Variants in DGKB observed in about 807,000 individuals in gnomAD.
DGKB encodes the protein diacylglycerol kinase beta.
In DGKB, 67 loss-of-function variants were observed where a neutral mutation model predicts 114.3. The observed-to-expected ratio is 0.59, with a 90% CI of 0.48 to 0.72. The LOEUF is 0.72. DGKB is among the 30% of genes least tolerant of loss of function. The pLI, the probability that DGKB is intolerant of heterozygous loss-of-function variation, is 0.00. For missense variants in DGKB, 907 were observed against 975.2 expected, an observed-to-expected ratio of 0.93 and a Z score of 0.93; for synonymous variants, 398 against 323.1, an observed-to-expected ratio of 1.23 and a Z score of -2.49.
chr7:14,444,426 A>ATGTGTT (rs1168174846), intron 21 of DGKB, among the ~76,000 whole-genome samples: 23 of 151,840 alleles, frequency 1.5e-4, no homozygotes, highest in African/African-American at 5.6e-4. Context: ...TTCATTAGAA[A>ATGTGTT]CATTATATAA....
chr7:14,862,058 T>A (rs1036537053), intron 1 of DGKB, among the ~76,000 whole-genome samples: 19 of 151,978 alleles, frequency 1.3e-4, no homozygotes, highest in Non-Finnish European at 8.8e-5. Flanking sequence ...GTCAACATGA[T>A]CCATATGAAA....
chr7:14,817,069 A>C (rs1472381145), intron 2 of DGKB, among the ~76,000 whole-genome samples: 1 of 152,196 alleles, frequency 6.6e-6, no homozygotes, highest in South Asian at 2.1e-4. Flanking sequence ...GATTTCAGGA[A>C]ATAGTCTACA....
At chr7:14,540,919 A>G (rs1012226855) in intron 20 of DGKB, among the ~76,000 whole-genome samples, 4 of 152,138 alleles carry the variant, frequency 2.6e-5, no homozygotes, top group African/African-American at 9.7e-5. Context: ...TCAATGATTT[A>G]TAGTATGGTA....
intron 4 of DGKB, among the ~76,000 whole-genome samples, chr7:14,743,835 C>A (rs778387857): frequency 3.3e-5 from 5 of 152,064 alleles, no homozygotes; most frequent in Non-Finnish European, 5.9e-5. Flanking sequence ...CAATTGTCTT[C>A]TTTTGATCCC....
chr7:14,149,022 C>A lies in DGKB; in HGVS notation c.*109G>T. The A allele has an allele frequency of 3.1e-6, 3 of 966,526 alleles. No homozygotes were observed. The highest frequency in any genetic ancestry group is 4.9e-6 in the Non-Finnish European group (3 of 612,474). The allele number at this position is 966,526 out of a possible 1,614,324, so 59.9% of individuals were successfully genotyped here. On this transcript the variant is annotated 3_prime_UTR_variant, in exon 26 of 26. Coordinates refer to ENST00000402815, the MANE Select transcript of DGKB (RefSeq NM_001350709.2). Reference sequence around the variant, plus strand: ...AGTAACAAAAACTGTTAAACCACTTCCATGATTTTGCATGAGCAGGAGACT... The same window carrying A: ...AGTAACAAAAACTGTTAAACCACTTACATGATTTTGCATGAGCAGGAGACT...
At chr7:14,299,565 A>C (rs547728180) in intron 23 of DGKB, among the ~76,000 whole-genome samples, 1 of 152,312 alleles carries the variant, frequency 6.6e-6, no homozygotes, top group African/African-American at 2.4e-5. Context: ...AACAATAGTT[A>C]ACAGTTGAAA....
chr7:14,740,308 A>G (rs544410747), intron 4 of DGKB, among the ~76,000 whole-genome samples: 1 of 146,834 alleles, frequency 6.8e-6, no homozygotes, highest in South Asian at 2.1e-4. Flanking sequence ...AGTTTTTGCT[A>G]TTACCTAGAT....
intron 23 of DGKB, among the ~76,000 whole-genome samples, chr7:14,301,700 C>A (rs754809778): frequency 9.2e-4 from 140 of 152,222 alleles, no homozygotes; most frequent in Middle Eastern, 3.4e-3. Context: ...TACACACACA[C>A]ACATACACAC....
intron 2 of DGKB, among the ~76,000 whole-genome samples, chr7:14,758,359 C>T (rs1006050631): frequency 6.6e-6 from 1 of 151,816 alleles, no homozygotes; most frequent in African/African-American, 2.4e-5. Context: ...ATCAGTATTA[C>T]AATTAAAGTT....
chr7:14,597,088 A>T (rs1359726209), intron 17 of DGKB, among the ~76,000 whole-genome samples: 1 of 152,126 alleles, frequency 6.6e-6, no homozygotes. Context: ...AATTTAAAAT[A>T]TGACAGCTAC....
intron 21 of DGKB, among the ~76,000 whole-genome samples, chr7:14,425,211 A>C: frequency 6.6e-6 from 1 of 152,106 alleles, no homozygotes; most frequent in East Asian, 1.9e-4. Context: ...TCCATGCTTG[A>C]TCATTGAATT....
At chr7:14,387,638 A>T (rs998728153) in intron 21 of DGKB, among the ~76,000 whole-genome samples, 1 of 151,958 alleles carries the variant, frequency 6.6e-6, no homozygotes, top group African/African-American at 2.4e-5. Flanking sequence ...CCTGGTCTTG[A>T]ACTACTGGGC....
intron 1 of DGKB, among the ~76,000 whole-genome samples, chr7:14,913,919 T>C (rs1198713974): frequency 6.6e-6 from 1 of 151,836 alleles, no homozygotes; most frequent in Admixed American, 6.6e-5. Context: ...CAAGCAAACA[T>C]AGAGAATCAC....
At chr7:14,600,044 T>C (rs904728401) in intron 17 of DGKB, among the ~76,000 whole-genome samples, 1 of 152,212 alleles carries the variant, frequency 6.6e-6, no homozygotes, top group African/African-American at 2.4e-5. Flanking sequence ...TATTTATTTC[T>C]CACATTTCTG....
intron 23 of DGKB, among the ~76,000 whole-genome samples, chr7:14,268,219 ACACACACACAC>A (rs1460439693): frequency 6.6e-6 from 1 of 151,726 alleles, no homozygotes; most frequent in Non-Finnish European, 1.5e-5. Flanking sequence ...TACCACACAC[ACACACACACAC>A]CACACACACA....
At chr7:14,555,838 C>T (rs1030043687) in intron 20 of DGKB, among the ~76,000 whole-genome samples, 1 of 152,164 alleles carries the variant, frequency 6.6e-6, no homozygotes, top group African/African-American at 2.4e-5. Flanking sequence ...TGACAAATGC[C>T]ATGGCAACAT....
chr7:14,848,286 G>A (rs1643392728), intron 1 of DGKB, among the ~76,000 whole-genome samples: 1 of 152,154 alleles, frequency 6.6e-6, no homozygotes, highest in African/African-American at 2.4e-5. Context: ...GCAGAAAGAG[G>A]GGATCAAGAA....
At chr7:14,332,012 A>C (rs1273398929) in intron 23 of DGKB, among the ~76,000 whole-genome samples, 1 of 152,178 alleles carries the variant, frequency 6.6e-6, no homozygotes, top group Non-Finnish European at 1.5e-5. Flanking sequence ...ATACATAGTA[A>C]ATTTTATCCA....
At chr7:14,905,897 T>A (rs1189437376), upstream of DGKB, among the ~76,000 whole-genome samples, 4 of 152,288 alleles carry the variant, frequency 2.6e-5, no homozygotes, top group South Asian at 8.3e-4. Context: ...ATAAGGGTGT[T>A]TGAATTCTTT....
Sources: allele counts gnomAD v4.1 joint callset (sites outside exome capture counted in the v4.1 genomes callset), GRCh38; gene constraint gnomAD v4.1.1; transcripts MANE v1.5; gene names NCBI Gene and HGNC (gene_info 2026-07-23, HGNC 2026-07-21).